Variants in JCAD observed in about 807,000 individuals in gnomAD.
JCAD encodes the protein junctional cadherin 5-associated protein.
In JCAD, 40 loss-of-function variants were observed where a neutral mutation model predicts 98.0. The ratio of observed to expected loss-of-function variants is 0.41; its 90% CI spans 0.32 to 0.53. JCAD has a LOEUF of 0.53. Among genes scored for constraint, JCAD ranks in the 20% least tolerant of loss-of-function variants. The pLI, the probability that JCAD is intolerant of heterozygous loss-of-function variation, is 0.31. For synonymous variants in JCAD, 691 were observed against 682.3 expected (o/e 1.01, Z -0.20); for missense variants, 1,705 against 1,738.1 (o/e 0.98, Z 0.34).
chr10:30,061,402 C>T (rs185907908), upstream of JCAD, among the ~76,000 whole-genome samples: 6 of 152,060 alleles, frequency 3.9e-5, no homozygotes, highest in Admixed American at 2.6e-4. Context: ...ATTAGCCGGG[C>T]GTGGTGGCAG....
At chr10:30,071,981 T>C (rs145383614) in intron 1 of JCAD, among the ~76,000 whole-genome samples, 67 of 152,332 alleles carry the variant, frequency 4.4e-4, no homozygotes, top group African/African-American at 1.4e-3. Context: ...TCTGTTCACC[T>C]GAGATTATAA....
Position 30,048,017 on chromosome 10 carries a change from G to A in JCAD, c.-59-146C>T, listed in dbSNP as rs1406746935. Reference sequence around the variant, plus strand: ...GCACAGAAAGAGGGGACACAGGGATGGCTCTGCCTGAAATTACTCTCCATT... The same window carrying A: ...GCACAGAAAGAGGGGACACAGGGATAGCTCTGCCTGAAATTACTCTCCATT... On this transcript the variant is annotated intron_variant, in intron 1 of 3. Transcript: ENST00000375377. 5.6e-6 allele frequency: 3 copies of A among 532,358 alleles called. No homozygotes were observed. In the African/African-American group the frequency reaches 5.8e-5, roughly 10 times the overall value. 33.0% of individuals were successfully genotyped at this position (532,358 alleles called of 1,614,324 possible). A position where few individuals can be genotyped will look rare whatever the true frequency, so the allele number is the denominator to read the frequency against.
At chr10:30,020,344 A>G (rs1020281639) in intron 3 of JCAD, among the ~76,000 whole-genome samples, 10 of 151,714 alleles carry the variant, frequency 6.6e-5, no homozygotes, top group South Asian at 2.1e-4. Flanking sequence ...AAAAAAAAAA[A>G]AAAGAAAAAG....
chr10:30,113,364 AAAATGGTG>A (rs1838738863), intron 1 of JCAD, among the ~76,000 whole-genome samples: 1 of 151,930 alleles, frequency 6.6e-6, no homozygotes, highest in Non-Finnish European at 1.5e-5. Flanking sequence ...CAGCCTGGCC[AAAATGGTG>A]AAACCCTGTC....
intron 1 of JCAD, among the ~76,000 whole-genome samples, chr10:30,080,422 C>G (rs1328052077): frequency 2.0e-5 from 3 of 152,150 alleles, no homozygotes; most frequent in Non-Finnish European, 4.4e-5. Context: ...CCCATCCTTT[C>G]CAATATATTC....
rs373711329 is a variant in JCAD at position 30,028,255 on chromosome 10, G to T, written c.1893C>A (p.Asp631Glu). Reference protein sequence around the residue: ...EQSLLSMSSTDLELQALTGSM... With the variant: ...EQSLLSMSSTELELQALTGSM... Reference sequence around the variant, plus strand: ...TTCCTGTGAGGGCCTGCAGCTCCAGGTCGGTGGAAGACATGCTCAGCAGAC... The same window carrying T: ...TTCCTGTGAGGGCCTGCAGCTCCAGTTCGGTGGAAGACATGCTCAGCAGAC... Residue 631 changes from aspartate to glutamate, a missense_variant, in exon 3 of 4, where the codon GAC (aspartate) becomes GAA (glutamate). Transcript: ENST00000375377. 2.5e-6 allele frequency: 4 copies of T among 1,614,220 alleles called. No homozygotes were observed. The highest frequency in any genetic ancestry group is 3.4e-6 in the Non-Finnish European group (4 of 1,180,052).
intron 2 of JCAD, among the ~76,000 whole-genome samples, chr10:30,031,847 C>T (rs1407229001): frequency 1.4e-5 from 2 of 147,700 alleles, no homozygotes; most frequent in Non-Finnish European, 3.0e-5. Context: ...CTCCGCCTCC[C>T]GTGTTCACGC....
At chr10:30,030,346 T>C (rs1340461409) in intron 2 of JCAD, among the ~76,000 whole-genome samples, 1 of 151,998 alleles carries the variant, frequency 6.6e-6, no homozygotes, top group East Asian at 1.9e-4. Flanking sequence ...GAGGATGAGG[T>C]AGAAGAATTG....
At chr10:30,029,892 T>C (rs1174040723) in intron 2 of JCAD, 26 bp from the exon 3 acceptor site, 2 of 1,594,182 alleles carry the variant, frequency 1.3e-6, no homozygotes, top group African/African-American at 1.3e-5. Context: ...TCACAGACGT[T>C]AGGCACAGAA....
intron 1 of JCAD, among the ~76,000 whole-genome samples, chr10:30,115,169 C>T (rs954507834): frequency 1.1e-4 from 16 of 152,164 alleles, no homozygotes; most frequent in African/African-American, 3.9e-4. Flanking sequence ...GCTTTCTCCA[C>T]AAACAGAGAA....
At chr10:30,055,291 G>T (rs185956083) in intron 1 of JCAD, among the ~76,000 whole-genome samples, 335 of 152,234 alleles carry the variant, frequency 2.2e-3, no homozygotes, top group African/African-American at 7.2e-3. Context: ...CAAATTGTTG[G>T]CAGTTCAGTG....
At chr10:30,056,644 C>T (rs1209605265) in intron 1 of JCAD, among the ~76,000 whole-genome samples, 1 of 151,938 alleles carries the variant, frequency 6.6e-6, no homozygotes, top group Non-Finnish European at 1.5e-5. Flanking sequence ...ACCAATAAGC[C>T]CAAAACTATA....
intron 1 of JCAD, among the ~76,000 whole-genome samples, chr10:30,090,677 T>C (rs1278601521): frequency 6.6e-6 from 1 of 152,132 alleles, no homozygotes; most frequent in Non-Finnish European, 1.5e-5. Context: ...TATCAGACCA[T>C]GACGCGCAGG....
At chr10:30,019,357 C>CAAAAAAGA (rs1836609379) in intron 3 of JCAD, among the ~76,000 whole-genome samples, 1 of 100,308 alleles carries the variant, frequency 1.0e-5, no homozygotes, top group Admixed American at 1.1e-4. Flanking sequence ...AACTCTGTCT[C>CAAAAAAGA]AAAAAAAAAA....
chr10:30,054,738 G>C (rs1033808459), intron 1 of JCAD, among the ~76,000 whole-genome samples: 1 of 150,082 alleles, frequency 6.7e-6, no homozygotes, highest in Non-Finnish European at 1.5e-5. Context: ...GCGCAATCTC[G>C]GCTCACTGCA....
At chr10:30,035,207 G>A (rs180845249) in intron 2 of JCAD, among the ~76,000 whole-genome samples, 1 of 152,272 alleles carries the variant, frequency 6.6e-6, no homozygotes, top group African/African-American at 2.4e-5. Flanking sequence ...TCCTACAGAG[G>A]GAGCGTGGTT....
rs377064457 is a variant in JCAD at position 30,026,936 on chromosome 10, G to C, written c.3212C>G (p.Ala1071Gly). 45 of 1,614,024 alleles carry C rather than the reference G, an allele frequency of 2.8e-5. No individual in the cohort carries two copies. Among genetic ancestry groups the C allele is most frequent in the Non-Finnish European group, 3.5e-5 (41 of 1,180,028 alleles). The change falls in exon 3 of 4, where the codon GCA becomes GGA. Residue 1071 changes from alanine to glycine, a missense_variant. Ala to Gly is a moderately conservative substitution (Grantham distance 60). Coordinates refer to ENST00000375377, the MANE Select transcript of JCAD (RefSeq NM_020848.4). ...ASELEGSLGEASTIEIPPGES... is the reference protein window; with the variant it reads ...ASELEGSLGEGSTIEIPPGES... Reference sequence around the variant, plus strand: ...ACCTGGGGGGATTTCTATTGTGCTTGCTTCACCCAAAGACCCCTCTAGCTC... The same window carrying C: ...ACCTGGGGGGATTTCTATTGTGCTTCCTTCACCCAAAGACCCCTCTAGCTC...
At chr10:30,066,992 G>A (rs901379960) in intron 2 of JCAD, among the ~76,000 whole-genome samples, 4 of 151,948 alleles carry the variant, frequency 2.6e-5, no homozygotes, top group African/African-American at 9.7e-5. Flanking sequence ...GTGAGACCCT[G>A]TTTCCAAAAA....
rs140567348 is a variant in JCAD, at chr10:30,018,737, G to A, written c.4046-820C>T. On this transcript the variant is annotated intron_variant, in intron 3 of 3. Coordinates refer to ENST00000375377, the MANE Select transcript of JCAD (RefSeq NM_020848.4). ...ATCCAGACAAACCTAAGGCTCACAC[G>A]TGCGCCTCCTGTGGTAAGATTTTCC... Among the ~76,000 whole-genome samples the A allele has an allele frequency of 7.2e-3, 1,102 of 152,190 alleles. 15 individuals carry two copies. Among genetic ancestry groups the A allele is most frequent in the South Asian group, 0.042 (201 of 4,814 alleles).
Sources: allele counts gnomAD v4.1 joint callset (sites outside exome capture counted in the v4.1 genomes callset), GRCh38; gene constraint gnomAD v4.1.1; transcripts MANE v1.5; gene names NCBI Gene and HGNC (gene_info 2026-07-23, HGNC 2026-07-21).